The following CTCF variants were observed in gnomAD, a reference collection of about 807,000 sequenced individuals.
CTCF encodes transcriptional repressor CTCF.
Under a neutral mutation model 72.3 loss-of-function variants are expected in CTCF, and 7 were observed. That is an observed-to-expected ratio of 0.10 (90% CI 0.06 to 0.18). The LOEUF is 0.18. Among genes scored for constraint, CTCF ranks in the 10% least tolerant of loss-of-function variants. The pLI, the probability that CTCF is intolerant of heterozygous loss-of-function variation, is 1.00. For synonymous variants in CTCF, 374 were observed against 315.8 expected, an observed-to-expected ratio of 1.18 and a Z score of -1.95; for missense variants, 516 against 949.1, an observed-to-expected ratio of 0.54 and a Z score of 6.00.
chr16:67,588,952 A>G (rs904355001), intron 2 of CTCF, among the ~76,000 whole-genome samples: 3 of 152,066 alleles, frequency 2.0e-5, no homozygotes, highest in Admixed American at 6.5e-5. Flanking sequence ...TGGCCTCCCA[A>G]CATGCTGGGA....
intron 1 of CTCF, among the ~76,000 whole-genome samples, chr16:67,567,719 T>C (rs2051361174): frequency 6.6e-6 from 1 of 151,564 alleles, no homozygotes; most frequent in South Asian, 2.1e-4. Flanking sequence ...GCCTCCCAAG[T>C]AGCTGGTACT....
At chr16:67,582,709 T>C (rs905592128) in intron 2 of CTCF, among the ~76,000 whole-genome samples, 4 of 151,968 alleles carry the variant, frequency 2.6e-5, no homozygotes, top group African/African-American at 7.2e-5. Context: ...ATAAATTAAA[T>C]AAAATATGAA....
chr16:67,622,153 G>A (rs1402986477), intron 7 of CTCF, among the ~76,000 whole-genome samples: 8 of 152,000 alleles, frequency 5.3e-5, no homozygotes, highest in Non-Finnish European at 1.2e-4. Context: ...TCAGGCGATC[G>A]AGACCATTCT....
intron 2 of CTCF, among the ~76,000 whole-genome samples, chr16:67,579,190 G>T (rs2051546187): frequency 6.6e-6 from 1 of 151,650 alleles, no homozygotes; most frequent in South Asian, 2.1e-4. Context: ...GGGAGGTGGA[G>T]GTTGCAGTGA....
chr16:67,611,174 G>C lies in CTCF; in HGVS notation c.342G>C (p.Gln114His). 6.2e-7 allele frequency: 1 copy of C among 1,614,192 alleles called. No homozygotes were observed. Among genetic ancestry groups the C allele is most frequent in the Non-Finnish European group, 8.5e-7 (1 of 1,180,040 alleles). Residue 114 changes from glutamine (Q) to histidine (H), a missense_variant, in exon 3 of 12, where the codon CAG becomes CAC. By Grantham distance (24) the Gln-to-His change is conservative. Transcript: ENST00000264010. ...AGCCCATAAACATAGGAGAACTTCAGCTTGTTCAAGTACCTGTTCCTGTGA... is the reference window on the plus strand; with the variant it reads ...AGCCCATAAACATAGGAGAACTTCACCTTGTTCAAGTACCTGTTCCTGTGA... Reference protein sequence around the residue: ...EEQPINIGELQLVQVPVPVTV... With the variant: ...EEQPINIGELHLVQVPVPVTV...
At chr16:67,597,255 C>T (rs576979799) in intron 2 of CTCF, among the ~76,000 whole-genome samples, 10 of 152,118 alleles carry the variant, frequency 6.6e-5, no homozygotes, top group South Asian at 4.2e-4. Flanking sequence ...AAGCCAATCT[C>T]GAACTCCTGG....
intron 5 of CTCF, 61 bp from the exon 6 acceptor site, chr16:67,620,636 C>T: frequency 7.1e-7 from 1 of 1,418,290 alleles, no homozygotes; most frequent in Non-Finnish European, 9.5e-7. Flanking sequence ...GCCTAACCTA[C>T]TGTGCTCTTG....
intron 10 of CTCF, among the ~76,000 whole-genome samples, chr16:67,632,351 T>C (rs766489162): frequency 1.3e-5 from 2 of 152,232 alleles, no homozygotes; most frequent in Non-Finnish European, 2.9e-5. Flanking sequence ...AAAGAGATTA[T>C]TGATAGCTTC....
At chr16:67,567,854 A>G (rs979207597) in intron 1 of CTCF, 1 of 145,972 alleles carries the variant, frequency 6.9e-6, no homozygotes, top group African/African-American at 2.6e-5. Flanking sequence ...GGCCTCCCAA[A>G]GTGTTGACGT....
intron 1 of CTCF, among the ~76,000 whole-genome samples, chr16:67,567,578 CT>C (rs551109085): frequency 3.0e-4 from 44 of 147,604 alleles, no homozygotes; most frequent in South Asian, 4.3e-4. Flanking sequence ...TGCTTGGAAA[CT>C]TTTTTTTTTT....
chr16:67,591,550 C>T (rs914540905), intron 2 of CTCF, among the ~76,000 whole-genome samples: 1 of 152,092 alleles, frequency 6.6e-6, no homozygotes, highest in Non-Finnish European at 1.5e-5. Flanking sequence ...AAGATGATGG[C>T]GTATATGTTT....
At chr16:67,631,282 A>G (rs2052362537) in intron 10 of CTCF, among the ~76,000 whole-genome samples, 1 of 150,832 alleles carries the variant, frequency 6.6e-6, no homozygotes, top group Non-Finnish European at 1.5e-5. Context: ...TTTCCTGCTC[A>G]GCTTCCCAGG....
intron 2 of CTCF, among the ~76,000 whole-genome samples, chr16:67,607,841 A>AAC (rs2051997204): frequency 6.7e-6 from 1 of 150,146 alleles, no homozygotes; most frequent in Admixed American, 6.7e-5. Context: ...AACATAGTGA[A>AAC]ACCCCGTATC....
intron 2 of CTCF, among the ~76,000 whole-genome samples, chr16:67,593,395 A>T (rs1005276379): frequency 6.6e-6 from 1 of 151,874 alleles, no homozygotes; most frequent in African/African-American, 2.4e-5. Flanking sequence ...GTTTATGTCC[A>T]TGTGTACCCA....
At chr16:67,576,903 A>G (rs1196542975) in intron 2 of CTCF, among the ~76,000 whole-genome samples, 2 of 152,224 alleles carry the variant, frequency 1.3e-5, no homozygotes, top group African/African-American at 2.4e-5. Flanking sequence ...AACAAAGTAC[A>G]AAGAAAGCAG....
At chr16:67,573,137 A>G (rs2051447514) in intron 2 of CTCF, among the ~76,000 whole-genome samples, 2 of 151,908 alleles carry the variant, frequency 1.3e-5, no homozygotes, top group East Asian at 3.9e-4. Flanking sequence ...CTGTAATGCC[A>G]GTTTCTCGGG....
intron 1 of CTCF, among the ~76,000 whole-genome samples, chr16:67,569,544 C>T (rs191175253): frequency 1.1e-4 from 16 of 152,192 alleles, no homozygotes; most frequent in Admixed American, 3.3e-4. Flanking sequence ...TCTACCTTTG[C>T]TTGAAGCTTG....
chr16:67,566,470 G>T (rs995547972), intron 1 of CTCF, among the ~76,000 whole-genome samples: 1 of 136,726 alleles, frequency 7.3e-6, no homozygotes, highest in Non-Finnish European at 1.5e-5. Flanking sequence ...AGATCGTGCC[G>T]TTGCACTCCA....
rs551421287 is a variant in CTCF at position 67,607,038 on chromosome 16, C to T, written c.-9-3786C>T. Reference sequence around the variant, plus strand: ...GTGGCCCAATCTCAGCTCACTGCAACCTCCACCTCCCAGGTTCAAGCAATT... The same window carrying T: ...GTGGCCCAATCTCAGCTCACTGCAATCTCCACCTCCCAGGTTCAAGCAATT... On this transcript the variant is annotated intron_variant, in intron 2 of 11. Coordinates refer to ENST00000264010, the MANE Select transcript of CTCF (RefSeq NM_006565.4). Among the ~76,000 whole-genome samples, 244 of 152,184 alleles carry T rather than the reference C, an allele frequency of 1.6e-3. 1 individual carries two copies. Among genetic ancestry groups the T allele is most frequent in the African/African-American group, 5.6e-3 (233 of 41,532 alleles).
Sources: allele counts gnomAD v4.1 joint callset (sites outside exome capture counted in the v4.1 genomes callset), GRCh38; gene constraint gnomAD v4.1.1; transcripts MANE v1.5; gene names NCBI Gene and HGNC (gene_info 2026-07-23, HGNC 2026-07-21).